ASB7: variants seen among roughly 807,000 people sequenced by gnomAD.
ASB7 encodes the protein ankyrin repeat and SOCS box protein 7.
A neutral mutation model predicts 32.5 loss-of-function variants in ASB7; 4 were observed. The observed-to-expected ratio is 0.12, with a 90% CI of 0.06 to 0.28. ASB7 has a LOEUF of 0.28. Among genes scored for constraint, ASB7 ranks in the 10% least tolerant of loss-of-function variants. The pLI is 1.00. For missense variants in ASB7, 181 were observed against 407.1 expected, an observed-to-expected ratio of 0.44 and a Z score of 4.78; for synonymous variants, 172 against 155.6, an observed-to-expected ratio of 1.11 and a Z score of -0.78.
chr15:100,629,547 G>A lies in ASB7; in HGVS notation c.322G>A (p.Asp108Asn), dbSNP rs755679645. Residue 108 changes from aspartate (D) to asparagine (N), a missense_variant, in exon 5 of 6, where the codon GAC (aspartate) becomes AAC (asparagine). By Grantham distance (23) the Asp-to-Asn change is conservative. Transcript: ENST00000332783. This position sits in a 1 kb window ranked among gnomAD's most constrained non-coding sequence, Gnocchi z 6.8. ...GATGTTAGAATCTGAATACAGGAGC[G>A]ACATCATTAATGCAAAAAGCAATGA... is the stretch of plus-strand genomic sequence containing the variant. Reference protein sequence around the residue: ...RLMLESEYRSDIINAKSNDGW... With the variant: ...RLMLESEYRSNIINAKSNDGW... 5 of 1,614,180 alleles carry A rather than the reference G, an allele frequency of 3.1e-6. No individual in the cohort carries two copies. The highest frequency in any genetic ancestry group is 2.2e-5 in the East Asian group (1 of 44,880).
At chr15:100,634,751 C>T (rs1035140780) in intron 5 of ASB7, among the ~76,000 whole-genome samples, 1 of 152,142 alleles carries the variant, frequency 6.6e-6, no homozygotes, top group African/African-American at 2.4e-5. Context: ...TTACAGTGAG[C>T]CGAGATCACG....
chr15:100,608,039 T>C (rs2141386192), intron 2 of ASB7, among the ~76,000 whole-genome samples: 1 of 152,288 alleles, frequency 6.6e-6, no homozygotes, highest in South Asian at 2.1e-4. Context: ...GAAGCTATGT[T>C]GGGTCATGTT....
At chr15:100,636,915 G>A (rs1179632702) in intron 5 of ASB7, among the ~76,000 whole-genome samples, 1 of 152,218 alleles carries the variant, frequency 6.6e-6, no homozygotes, top group Admixed American at 6.5e-5. Context: ...TGTTGATGGT[G>A]TACAAGCAGT....
At chr15:100,638,191 G>T (rs542031617) in intron 5 of ASB7, among the ~76,000 whole-genome samples, 5 of 152,236 alleles carry the variant, frequency 3.3e-5, no homozygotes, top group African/African-American at 1.2e-4. Context: ...AGGGTGTCCT[G>T]TTAGCCTAGT....
In ASB7 at chr15:100,636,408, G is replaced by A. The variant is rs144132182; in HGVS notation, c.817+6366G>A. 3.9e-3 allele frequency among the ~76,000 whole-genome samples: 597 copies of A among 152,272 alleles called. 2 individuals are homozygous for A. The highest frequency in any genetic ancestry group is 6.8e-3 in the Non-Finnish European group (465 of 68,038). Reference sequence around the variant, plus strand: ...TAAAATAGGAAAAACATATCTGTCCGTTGTCCTTTGAGCTGATTAATGTTT... The same window carrying A: ...TAAAATAGGAAAAACATATCTGTCCATTGTCCTTTGAGCTGATTAATGTTT... On this transcript the variant is annotated intron_variant, in intron 5 of 5. Transcript: ENST00000332783.
chr15:100,638,243 G>C (rs1328571600), intron 5 of ASB7: 1 of 152,118 alleles, frequency 6.6e-6, no homozygotes, highest in African/African-American at 2.4e-5. Context: ...TCTGTTTAAA[G>C]TTAAAATCTG....
At chr15:100,607,151 CAAA>C (rs35799567) in intron 2 of ASB7, among the ~76,000 whole-genome samples, 2 of 126,708 alleles carry the variant, frequency 1.6e-5, no homozygotes. Flanking sequence ...GCCTCCGTCT[CAAA>C]AAAAAAAAAA....
intron 5 of ASB7, among the ~76,000 whole-genome samples, chr15:100,636,102 G>T (rs1009721093): frequency 6.6e-6 from 1 of 152,152 alleles, no homozygotes; most frequent in Admixed American, 6.5e-5. Flanking sequence ...TACCATTTCA[G>T]TGTTCGTCAA....
chr15:100,622,631 C>G (rs2039803836), intron 4 of ASB7, among the ~76,000 whole-genome samples: 1 of 152,048 alleles, frequency 6.6e-6, no homozygotes, highest in Non-Finnish European at 1.5e-5. Context: ...AACAGAGAAT[C>G]CAGAAATCTA....
intron 3 of ASB7, among the ~76,000 whole-genome samples, 190 bp from the exon 4 acceptor site, chr15:100,611,976 T>C (rs1007042762): frequency 1.3e-5 from 2 of 151,790 alleles, no homozygotes; most frequent in African/African-American, 4.8e-5. Flanking sequence ...TGGGCTCAGG[T>C]GATCCTCCCA....
intron 5 of ASB7, among the ~76,000 whole-genome samples, chr15:100,630,952 T>G (rs532306228): frequency 6.6e-6 from 1 of 152,216 alleles, no homozygotes; most frequent in Non-Finnish European, 1.5e-5. Context: ...AGAGGACATA[T>G]TAACATCCTG....
Position 100,651,363 on chromosome 15 carries a change from C to T in ASB7, c.*2901C>T, listed in dbSNP as rs1431737980. ...ATTTTTTAATTCATTGTCAGTCATG[C>T]TTGGAACAGCATTTCCACTAGAGAA... On this transcript the variant is annotated 3_prime_UTR_variant, in exon 6 of 6. Transcript: ENST00000332783. 1.3e-5 allele frequency: 2 copies of T among 152,146 alleles called. No individual in the cohort carries two copies. The highest frequency in any genetic ancestry group is 2.4e-5 in the African/African-American group (1 of 41,444). 9.4% of individuals were successfully genotyped at this position (152,146 alleles called of 1,614,324 possible).
intron 3 of ASB7, among the ~76,000 whole-genome samples, chr15:100,611,768 C>G (rs1596998481): frequency 6.6e-6 from 1 of 151,134 alleles, no homozygotes; most frequent in Non-Finnish European, 1.5e-5. Flanking sequence ...GCGTGAGCCA[C>G]TGTGCTTGGC....
chr15:100,631,404 G>C (rs2039882656), intron 5 of ASB7, among the ~76,000 whole-genome samples: 2 of 152,202 alleles, frequency 1.3e-5, no homozygotes, highest in Admixed American at 6.5e-5. Flanking sequence ...AGAGGTATCT[G>C]GGGCTGACTG....
At chr15:100,632,713 G>A (rs2039893243) in intron 5 of ASB7, among the ~76,000 whole-genome samples, 2 of 151,992 alleles carry the variant, frequency 1.3e-5, no homozygotes, top group African/African-American at 2.4e-5. Context: ...CTTCATTCAG[G>A]GACATTTTAC....
At chr15:100,638,393 T>A (rs1487431772) in intron 5 of ASB7, 1 of 152,198 alleles carries the variant, frequency 6.6e-6, no homozygotes, top group Non-Finnish European at 1.5e-5. Flanking sequence ...CCACAGTCAG[T>A]TACAGATCAG....
At chr15:100,618,621 T>TA (rs1567113341) in intron 4 of ASB7, among the ~76,000 whole-genome samples, 1 of 93,858 alleles carries the variant, frequency 1.1e-5, no homozygotes, top group Non-Finnish European at 2.7e-5. Flanking sequence ...GCTGTGTGTG[T>TA]GGTGTGTGTG....
chr15:100,632,873 CAG>C (rs1006780785), intron 5 of ASB7, among the ~76,000 whole-genome samples: 16 of 144,730 alleles, frequency 1.1e-4, no homozygotes, highest in African/African-American at 2.8e-4. Context: ...AAAAAAAAAA[CAG>C]AGCGCACCCG....
intron 4 of ASB7, among the ~76,000 whole-genome samples, chr15:100,621,897 A>G (rs368419796): frequency 1.9e-4 from 29 of 151,988 alleles, no homozygotes; most frequent in African/African-American, 6.5e-4. Flanking sequence ...TACATAACCA[A>G]TATCAAGAGT....
Sources: gnomAD v4.1 joint callset for allele counts (sites outside exome capture counted in the v4.1 genomes callset) on GRCh38, gnomAD v4.1.1 for gene constraint, Gnocchi (gnomAD v3.1) non-coding constraint, MANE v1.5 for transcripts, NCBI Gene and HGNC (gene_info 2026-07-23, HGNC 2026-07-21) for gene names.